TRIO: variants seen among roughly 807,000 people sequenced by gnomAD.
TRIO encodes trio Rho guanine nucleotide exchange factor.
A neutral mutation model predicts 351.9 loss-of-function variants in TRIO; 58 were observed. That is an observed-to-expected ratio of 0.16 (90% CI 0.13 to 0.21). TRIO has a LOEUF of 0.21. Ranked by LOEUF, TRIO falls within the 10% of genes least tolerant of loss-of-function variation. TRIO has a pLI of 1.00. For missense variants in TRIO, 3,201 were observed against 4,027.8 expected, an observed-to-expected ratio of 0.79 and a Z score of 5.56; for synonymous variants, 1,758 against 1,595.7, an observed-to-expected ratio of 1.10 and a Z score of -2.42.
chr5:14,204,584 A>AT (rs781650442), intron 1 of TRIO, among the ~76,000 whole-genome samples: 44 of 152,298 alleles, frequency 2.9e-4, no homozygotes, highest in Non-Finnish European at 5.4e-4. Context: ...TTAAGTAGAG[A>AT]TTTCAAGAAA....
At chr5:14,426,465 C>G (rs1321642448) in intron 34 of TRIO, among the ~76,000 whole-genome samples, 1 of 152,164 alleles carries the variant, frequency 6.6e-6, no homozygotes, top group Non-Finnish European at 1.5e-5. Flanking sequence ...ACAGAGGCTC[C>G]CATCAGGTCA....
At chr5:14,178,173 G>C (rs1789519880) in intron 1 of TRIO, among the ~76,000 whole-genome samples, 1 of 152,156 alleles carries the variant, frequency 6.6e-6, no homozygotes, top group East Asian at 1.9e-4. Flanking sequence ...TTATTACTTT[G>C]GATTTGCCAA....
intron 1 of TRIO, among the ~76,000 whole-genome samples, chr5:14,179,032 TC>T (rs1266220346): frequency 2.0e-5 from 3 of 152,064 alleles, no homozygotes; most frequent in Admixed American, 6.5e-5. Flanking sequence ...GTCTTTGTAC[TC>T]CCCCCACCCC....
intron 7 of TRIO, among the ~76,000 whole-genome samples, chr5:14,302,284 G>T (rs907166644): frequency 6.6e-6 from 1 of 152,152 alleles, no homozygotes; most frequent in Non-Finnish European, 1.5e-5. Context: ...GAAGCGTTTT[G>T]ATCTTAAGAA....
chr5:14,212,547 G>T (rs574517408), intron 1 of TRIO, among the ~76,000 whole-genome samples: 1 of 152,308 alleles, frequency 6.6e-6, no homozygotes. Flanking sequence ...AAAATAAAGT[G>T]TCTGAAGTTT....
In TRIO at chr5:14,324,833, C is replaced by T. The variant is rs1193533548; in HGVS notation, c.1732-5945C>T. Among the ~76,000 whole-genome samples the T allele has an allele frequency of 5.3e-5, 8 of 152,218 alleles. No individual in the cohort carries two copies. The South Asian group carries it at 1.7e-3, about 32-fold the overall frequency. ...ACACTTCTAGTGGCATCTGGACAGC[C>T]CCCCCATAATCAAATGCATGGCTAT... is the stretch of plus-strand genomic sequence containing the variant. On this transcript the variant is annotated intron_variant, in intron 9 of 56. Coordinates refer to ENST00000344204, the MANE Select transcript of TRIO (RefSeq NM_007118.4).
At position 14,488,051 on chromosome 5, in the gene TRIO, C is replaced by G. The variant is rs780299553; in HGVS notation, c.7423C>G (p.Pro2475Ala). The change falls in exon 48 of 57, where the codon CCC (proline) becomes GCC (alanine). Residue 2475 changes from proline to alanine, a missense_variant. Coordinates refer to ENST00000344204, the MANE Select transcript of TRIO (RefSeq NM_007118.4). ...TTCTCTCGGCAAGGAGCCCTTCCCC[C>G]CCAGCAGCCCCCTGCAGAAGGGGGG... Reference protein sequence around the residue: ...VPSLGKEPFPPSSPLQKGGSF... With the variant: ...VPSLGKEPFPASSPLQKGGSF... 2.9e-5 allele frequency: 47 copies of G among 1,609,056 alleles called. No individual in the cohort carries two copies. The highest frequency in any genetic ancestry group is 1.3e-4 in the East Asian group (6 of 44,718).
At chr5:14,186,194 A>G (rs1790101140) in intron 1 of TRIO, among the ~76,000 whole-genome samples, 1 of 152,210 alleles carries the variant, frequency 6.6e-6, no homozygotes, top group African/African-American at 2.4e-5. Context: ...GGAGACAGCC[A>G]GTTTCTCCCT....
chr5:14,220,434 A>C (rs1341581320), intron 1 of TRIO, among the ~76,000 whole-genome samples: 1 of 152,226 alleles, frequency 6.6e-6, no homozygotes, highest in Admixed American at 6.5e-5. Flanking sequence ...ATGGCCTCTA[A>C]GTGTTCAAGT....
At chr5:14,420,270 C>A in intron 34 of TRIO, 1 of 516,408 alleles carries the variant, frequency 1.9e-6, no homozygotes, top group Non-Finnish European at 3.4e-6. Flanking sequence ...GATATGACAT[C>A]AGTTTAGAGA....
chr5:14,363,000 A>ACTT (rs1554063537), intron 13 of TRIO, among the ~76,000 whole-genome samples: 1,174 of 113,406 alleles, frequency 0.01, 4 homozygotes, highest in Non-Finnish European at 0.017. Flanking sequence ...TTTTCTATCT[A>ACTT]CTTTTTTTTT....
At chr5:14,282,079 C>A (rs962534362) in intron 3 of TRIO, among the ~76,000 whole-genome samples, 5 of 152,116 alleles carry the variant, frequency 3.3e-5, no homozygotes, top group African/African-American at 1.2e-4. Flanking sequence ...GTCAGAGTAT[C>A]CTTTATGAGA....
At chr5:14,162,452 A>C (rs966590517) in intron 1 of TRIO, among the ~76,000 whole-genome samples, 3 of 152,148 alleles carry the variant, frequency 2.0e-5, no homozygotes, top group Non-Finnish European at 4.4e-5. Flanking sequence ...ATCAGTTTTT[A>C]CTTTGTTCTT....
chr5:14,326,038 T>A (rs1417180197), intron 9 of TRIO, among the ~76,000 whole-genome samples: 1 of 152,228 alleles, frequency 6.6e-6, no homozygotes. Context: ...GCAGAAGCAG[T>A]GTAGACGGGA....
At chr5:14,401,166 T>G in intron 31 of TRIO, 102 bp downstream of exon 31, 1 of 970,858 alleles carries the variant, frequency 1.0e-6, no homozygotes, top group East Asian at 2.6e-5. Context: ...TTGTTGTTGT[T>G]GTTTGTGTGT....
Position 14,399,293 on chromosome 5 carries a change from C to T in TRIO, c.4614+223C>T, listed in dbSNP as rs1363414821. On this transcript the variant is annotated intron_variant, in intron 30 of 56. Transcript: ENST00000344204. ...TTATAGACTTAGGAAACTTGCTCTTCTTAAATCCTGTATCATATAACTGCA... is the reference window on the plus strand; with the variant it reads ...TTATAGACTTAGGAAACTTGCTCTTTTTAAATCCTGTATCATATAACTGCA... 7.4e-6 allele frequency: 4 copies of T among 541,148 alleles called. No individual in the cohort carries two copies. In the Admixed American group the frequency reaches 1.0e-4, roughly 13 times the overall value. 33.5% of individuals were successfully genotyped at this position (541,148 alleles called of 1,614,324 possible).
At chr5:14,243,364 C>T (rs1674277014) in intron 1 of TRIO, among the ~76,000 whole-genome samples, 1 of 151,342 alleles carries the variant, frequency 6.6e-6, no homozygotes, top group Non-Finnish European at 1.5e-5. Flanking sequence ...GATTATATTC[C>T]TTAATGCAAG....
intron 34 of TRIO, among the ~76,000 whole-genome samples, chr5:14,458,305 C>T (rs1433147620): frequency 6.6e-6 from 1 of 152,164 alleles, no homozygotes; most frequent in Admixed American, 6.5e-5. Flanking sequence ...ATGCCAGGCA[C>T]TGTGCAGAGC....
chr5:14,418,272 A>G (rs1749811558), intron 33 of TRIO, among the ~76,000 whole-genome samples: 2 of 150,094 alleles, frequency 1.3e-5, no homozygotes, highest in African/African-American at 2.4e-5. Flanking sequence ...CTCCTATGCT[A>G]AGGCCTTTGT....
Sources: gnomAD v4.1 joint callset for allele counts (sites outside exome capture counted in the v4.1 genomes callset) on GRCh38, gnomAD v4.1.1 for gene constraint, MANE v1.5 for transcripts, NCBI Gene and HGNC (gene_info 2026-07-23, HGNC 2026-07-21) for gene names.